Variants in GSE1 observed in about 807,000 individuals in gnomAD.
GSE1 encodes the protein Gse1 coiled-coil protein.
Under a neutral mutation model 112.6 loss-of-function variants are expected in GSE1, and 32 were observed. The observed-to-expected ratio is 0.28, with a 90% confidence interval of 0.21 to 0.38. The LOEUF is 0.38. Ranked by LOEUF, GSE1 falls within the 10% of genes least tolerant of loss-of-function variation. The pLI, the probability that GSE1 is intolerant of heterozygous loss-of-function variation, is 1.00. For synonymous variants in GSE1, 1,115 were observed against 735.6 expected, an observed-to-expected ratio of 1.52 and a Z score of -8.35; for missense variants, 2,348 against 1,699.2, an observed-to-expected ratio of 1.38 and a Z score of -6.71.
chr16:85,451,975 C>T (rs1478026651), intron 2 of GSE1, among the ~76,000 whole-genome samples: 1 of 152,090 alleles, frequency 6.6e-6, no homozygotes, highest in Admixed American at 6.5e-5. Context: ...CCCCCCCTCA[C>T]CGAGTTTCTG....
intron 1 of GSE1, among the ~76,000 whole-genome samples, chr16:85,192,734 AG>A (rs2074849194): frequency 6.6e-6 from 1 of 152,090 alleles, no homozygotes; most frequent in African/African-American, 2.4e-5. Context: ...TGAGATCAGG[AG>A]GGGGATATTC....
intron 2 of GSE1, among the ~76,000 whole-genome samples, chr16:85,645,148 G>C (rs2050749557): frequency 1.3e-5 from 2 of 151,738 alleles, no homozygotes; most frequent in East Asian, 3.9e-4. Flanking sequence ...GGTCGACTTG[G>C]GGTGGTGGAG....
chr16:85,297,972 T>G (rs2045414727), intron 1 of GSE1, among the ~76,000 whole-genome samples: 1 of 152,174 alleles, frequency 6.6e-6, no homozygotes, highest in Non-Finnish European at 1.5e-5. Context: ...AACAGGCCAG[T>G]TATCTTGAGC....
At chr16:85,226,758 GGTGTGTGTGTGTGTGTGTGTGTGT>G (rs55999145) in intron 1 of GSE1, among the ~76,000 whole-genome samples, 21 of 104,890 alleles carry the variant, frequency 2.0e-4, no homozygotes, top group South Asian at 7.3e-4. Flanking sequence ...TGCCTGGACT[GGTGTGTGTGTGTGTGTGTGTGTGT>G]GTGTGTGTGT....
At chr16:85,530,957 G>A (rs748131687) in intron 2 of GSE1, among the ~76,000 whole-genome samples, 46 of 152,218 alleles carry the variant, frequency 3.0e-4, no homozygotes, top group Admixed American at 2.4e-3. Context: ...TGTCTGACAG[G>A]TGTTGTTTGT....
chr16:85,231,030 A>G (rs982037794), intron 1 of GSE1, among the ~76,000 whole-genome samples: 14 of 149,844 alleles, frequency 9.3e-5, no homozygotes, highest in Non-Finnish European at 2.1e-4. Flanking sequence ...ATGGATGGAC[A>G]GAAGGATAGA....
At chr16:85,378,245 G>C (rs1484863812) in intron 2 of GSE1, among the ~76,000 whole-genome samples, 1 of 152,166 alleles carries the variant, frequency 6.6e-6, no homozygotes, top group African/African-American at 2.4e-5. Flanking sequence ...CTGGGACTCT[G>C]TGATGTTCAG....
intron 2 of GSE1, among the ~76,000 whole-genome samples, chr16:85,430,276 T>C (rs1366770412): frequency 6.6e-6 from 1 of 151,676 alleles, no homozygotes; most frequent in African/African-American, 2.4e-5. Flanking sequence ...CCAGAAGCAG[T>C]TTGGAGCAAA....
chr16:85,566,340 G>A (rs1033042946), intron 1 of GSE1, among the ~76,000 whole-genome samples: 3 of 152,208 alleles, frequency 2.0e-5, no homozygotes, highest in Non-Finnish European at 4.4e-5. Flanking sequence ...GCCAGCCCAG[G>A]CCACGCACAG....
At chr16:85,638,791 T>C (rs2050211759) in intron 2 of GSE1, among the ~76,000 whole-genome samples, 2 of 151,410 alleles carry the variant, frequency 1.3e-5, no homozygotes. Context: ...CCTACCCCTG[T>C]GACCCCCATC....
At chr16:85,672,065 C>G (rs1598735433) in intron 15 of GSE1, 1 of 282,070 alleles carries the variant, frequency 3.5e-6, no homozygotes, top group East Asian at 9.9e-5. Flanking sequence ...GTGGCGCAGT[C>G]TCGGCTCACT....
At chr16:85,663,251 C>G (rs187371754) in intron 10 of GSE1, 93 bp from the exon 11 acceptor site, 2 of 1,446,300 alleles carry the variant, frequency 1.4e-6, no homozygotes, top group East Asian at 4.5e-5. Context: ...AGCTACGGCC[C>G]ACACTTCGAG....
chr16:85,627,588 C>G (rs1164292447), intron 1 of GSE1, among the ~76,000 whole-genome samples: 1 of 152,108 alleles, frequency 6.6e-6, no homozygotes, highest in African/African-American at 2.4e-5. Context: ...CCTCGCAGAC[C>G]TGGTCCACCT....
Position 85,671,009 on chromosome 16 carries a change from C to T in GSE1, c.3430C>T (p.Arg1144Trp), listed in dbSNP as rs765147551. The T allele has an allele frequency of 5.6e-6, 9 of 1,607,556 alleles. No individual in the cohort carries two copies. Among genetic ancestry groups the T allele is most frequent in the Middle Eastern group, 1.7e-4 (1 of 6,044 alleles). Residue 1144 changes from arginine to tryptophan, a missense_variant, in exon 15 of 16, where the codon CGG becomes TGG. Arg to Trp is a moderately radical substitution (Grantham distance 101, BLOSUM62 -3). Coordinates refer to ENST00000253458, the MANE Select transcript of GSE1 (RefSeq NM_014615.5). ...QEHIEEQNLE[R>W]QVLQTQCRRL... ...TGTCTTTTCAGAGCAAAATCTGGAG[C>T]GGCAGGTGTTACAGACACAATGTAG...
rs541142209 is a variant in GSE1 at position 85,229,552 on chromosome 16, CAT to C, written c.2283+57746_2283+57747del. 2.9e-3 allele frequency among the ~76,000 whole-genome samples: 442 copies of C among 152,358 alleles called. 2 individuals are homozygous for C. Among genetic ancestry groups the C allele is most frequent in the African/African-American group, 0.01 (430 of 41,592 alleles). ...TGTGTACTAAACGATTTCATACTCACATGAGTTCCATTCTATAGAGAAGGAAA... is the reference window on the plus strand; with the variant it reads ...TGTGTACTAAACGATTTCATACTCACGAGTTCCATTCTATAGAGAAGGAAA... On this transcript the variant is annotated intron_variant, in intron 1 of 2. Coordinates refer to the GSE1 transcript ENST00000637419.
intron 1 of GSE1, among the ~76,000 whole-genome samples, chr16:85,238,097 G>C (rs558907540): frequency 6.6e-6 from 1 of 152,310 alleles, no homozygotes; most frequent in South Asian, 2.1e-4. Context: ...GTTCTGCCTT[G>C]GGCCACATGG....
chr16:85,657,216 G>T (rs564297177), intron 7 of GSE1, 61 bp from the exon 8 acceptor site: 11 of 1,175,522 alleles, frequency 9.4e-6, no homozygotes, highest in Non-Finnish European at 1.1e-5. Flanking sequence ...GAGAGAGGAC[G>T]GGGAGGGAGC....
In GSE1 at chr16:85,295,234, A is replaced by G. The variant is rs550167895; in HGVS notation, c.2284-62229A>G. 2.0e-5 allele frequency among the ~76,000 whole-genome samples: 3 copies of G among 152,334 alleles called. No homozygotes were observed. The South Asian group carries it at 6.2e-4, about 32-fold the overall frequency. ...CACACACCGGTCCACCTTCTGCCTG[A>G]GGATGGCCTGTGCTGGGCATTTCCT... On this transcript the variant is annotated intron_variant, in intron 1 of 2. Coordinates refer to the GSE1 transcript ENST00000637419.
intron 1 of GSE1, among the ~76,000 whole-genome samples, chr16:85,249,370 G>A (rs531226489): frequency 9.2e-5 from 14 of 152,336 alleles, no homozygotes; most frequent in Non-Finnish European, 1.5e-4. Flanking sequence ...AGCGAGGACT[G>A]TGGCACTTGC....
Sources: gnomAD v4.1 joint callset for allele counts (sites outside exome capture counted in the v4.1 genomes callset) on GRCh38, gnomAD v4.1.1 for gene constraint, MANE v1.5 for transcripts, NCBI Gene and HGNC (gene_info 2026-07-23, HGNC 2026-07-21) for gene names.